The following NRG1 variants were observed in gnomAD, a reference collection of about 807,000 sequenced individuals.
NRG1 encodes neuregulin 1.
NRG1 carries 18 observed loss-of-function variants against 63.8 expected under a neutral mutation model. The observed-to-expected ratio is 0.28, with a 90% CI of 0.19 to 0.42. NRG1 has a LOEUF of 0.42. NRG1 is among the 10% of genes least tolerant of loss of function. The probability of loss-of-function intolerance (pLI) is 1.00; values close to 1 mark genes in which losing one functional copy is unlikely to be tolerated. For synonymous variants in NRG1, 302 were observed against 301.3 expected (o/e 1.00, Z -0.02); for missense variants, 762 against 814.7 (o/e 0.94, Z 0.79).
intron 1 of NRG1, among the ~76,000 whole-genome samples, chr8:31,744,429 C>A (rs1330605421): frequency 1.3e-5 from 2 of 152,010 alleles, no homozygotes; most frequent in Non-Finnish European, 2.9e-5. Context: ...CACCTCTTGG[C>A]TCCCTCTGGT....
intron 1 of NRG1, among the ~76,000 whole-genome samples, chr8:32,060,549 T>C (rs1451707880): frequency 6.6e-6 from 1 of 151,836 alleles, no homozygotes; most frequent in Non-Finnish European, 1.5e-5. Flanking sequence ...TGGTTTTTGG[T>C]TTGGGGGGTT....
chr8:32,187,334 G>T (rs747441330), intron 1 of NRG1, among the ~76,000 whole-genome samples: 22 of 152,124 alleles, frequency 1.4e-4, no homozygotes, highest in Non-Finnish European at 2.6e-4. Flanking sequence ...AGCATGCATG[G>T]TGTGTTAAAT....
chr8:32,168,416 T>C (rs535961862), intron 1 of NRG1, among the ~76,000 whole-genome samples: 16 of 152,336 alleles, frequency 1.1e-4, no homozygotes, highest in African/African-American at 3.4e-4. Context: ...GCAAGTTGCA[T>C]TGGGCTAGAA....
At position 31,640,729 on chromosome 8, in the gene NRG1, G is replaced by T; in HGVS notation, c.37+1298G>T. The T allele has an allele frequency of 1.9e-6, 3 of 1,575,326 alleles. No homozygotes were observed. The highest frequency in any genetic ancestry group is 2.6e-6 in the Non-Finnish European group (3 of 1,160,436). On this transcript the variant is annotated intron_variant, in intron 1 of 10. Coordinates refer to the NRG1 transcript ENST00000519301. This position sits in a 1 kb window ranked among gnomAD's most constrained non-coding sequence, Gnocchi z 6.3. Reference sequence around the variant, plus strand: ...CAGCCGGGTGCTGTGCAAGCGGTGCGGTAAGTTCCTCGCCCTTGGGGGCGC... The same window carrying T: ...CAGCCGGGTGCTGTGCAAGCGGTGCTGTAAGTTCCTCGCCCTTGGGGGCGC...
intron 1 of NRG1, among the ~76,000 whole-genome samples, chr8:31,986,353 C>T (rs562349323): frequency 1.3e-5 from 2 of 152,100 alleles, no homozygotes; most frequent in African/African-American, 2.4e-5. Flanking sequence ...CACCACACTC[C>T]CCATGAAGCA....
intron 1 of NRG1, among the ~76,000 whole-genome samples, chr8:31,684,385 T>C (rs1808648784): frequency 6.6e-6 from 1 of 152,210 alleles, no homozygotes; most frequent in Non-Finnish European, 1.5e-5. Context: ...TCTTCTGCCA[T>C]GTGAAAACAT....
chr8:31,789,490 C>A (rs1820485600), intron 1 of NRG1, among the ~76,000 whole-genome samples: 1 of 152,030 alleles, frequency 6.6e-6, no homozygotes, highest in Non-Finnish European at 1.5e-5. Flanking sequence ...ATATAACTGC[C>A]CAGGAGAGCT....
intron 1 of NRG1, among the ~76,000 whole-genome samples, chr8:31,757,857 A>T (rs1215238891): frequency 6.6e-6 from 1 of 152,138 alleles, no homozygotes; most frequent in Non-Finnish European, 1.5e-5. Flanking sequence ...ATTAAGATAC[A>T]GATGAATTCT....
At chr8:32,092,877 C>A (rs1829384424) in intron 1 of NRG1, among the ~76,000 whole-genome samples, 1 of 152,150 alleles carries the variant, frequency 6.6e-6, no homozygotes, top group Admixed American at 6.5e-5. Flanking sequence ...GAAGTGACAG[C>A]TGGACAGTTG....
At chr8:32,708,164 GT>G (rs1368966900) in intron 5 of NRG1, among the ~76,000 whole-genome samples, 1 of 151,990 alleles carries the variant, frequency 6.6e-6, no homozygotes, top group Non-Finnish European at 1.5e-5. Flanking sequence ...TTTTGATGAT[GT>G]TCTCAAATGT....
At chr8:32,189,320 G>A in intron 1 of NRG1, among the ~76,000 whole-genome samples, 1 of 152,080 alleles carries the variant, frequency 6.6e-6, no homozygotes, top group East Asian at 1.9e-4. Context: ...ACTTATAAGT[G>A]AGAACGTGTA....
intron 1 of NRG1, among the ~76,000 whole-genome samples, chr8:31,933,350 G>A (rs1485502958): frequency 6.6e-6 from 1 of 151,232 alleles, no homozygotes; most frequent in South Asian, 2.1e-4. Flanking sequence ...GCACCATCTC[G>A]GCTCACTGCA....
rs570756399 is a variant in NRG1 at position 32,390,828 on chromosome 8, C to T, written c.38-205000C>T. On this transcript the variant is annotated intron_variant, in intron 1 of 10. Transcript: ENST00000519301. ...CCATTCGTAGTACCAGCGTTCAGCA[C>T]AGTAGCTGGACCTGACTAAGCACCA... Among the ~76,000 whole-genome samples the T allele has an allele frequency of 5.3e-5, 8 of 152,018 alleles. No homozygotes were observed. In the East Asian group the frequency reaches 1.2e-3, roughly 22 times the overall value.
intron 1 of NRG1, among the ~76,000 whole-genome samples, chr8:32,174,786 A>C (rs1206024925): frequency 6.6e-6 from 1 of 152,212 alleles, no homozygotes; most frequent in African/African-American, 2.4e-5. Flanking sequence ...AACCAGGAAG[A>C]AGTTGAATCT....
chr8:32,305,626 G>GT (rs1856106063), intron 1 of NRG1, among the ~76,000 whole-genome samples: 1 of 152,144 alleles, frequency 6.6e-6, no homozygotes, highest in Non-Finnish European at 1.5e-5. Context: ...ACCAGCCTTG[G>GT]TTTGCCCCAG....
intron 1 of NRG1, among the ~76,000 whole-genome samples, chr8:32,249,284 A>G (rs189201908): frequency 2.3e-4 from 35 of 152,244 alleles, no homozygotes; most frequent in South Asian, 6.2e-4. Context: ...GAAATATTAC[A>G]TACTCTAACA....
At chr8:32,040,837 G>C (rs1483265039) in intron 1 of NRG1, among the ~76,000 whole-genome samples, 1 of 137,186 alleles carries the variant, frequency 7.3e-6, no homozygotes, top group Non-Finnish European at 1.5e-5. Flanking sequence ...TTCAGAGATG[G>C]ATTATTTTAG....
intron 1 of NRG1, among the ~76,000 whole-genome samples, chr8:32,321,199 T>C (rs1463284333): frequency 1.3e-5 from 2 of 152,104 alleles, no homozygotes; most frequent in Non-Finnish European, 2.9e-5. Context: ...TTCCATCCAC[T>C]AGTCAATTTC....
intron 1 of NRG1, among the ~76,000 whole-genome samples, chr8:32,496,023 GAA>G (rs752703560): frequency 9.1e-4 from 138 of 152,236 alleles, no homozygotes; most frequent in African/African-American, 1.5e-3. Flanking sequence ...ATAATAATTT[GAA>G]AAGATTCCTC....
Sources: gnomAD v4.1 joint callset for allele counts (sites outside exome capture counted in the v4.1 genomes callset) on GRCh38, gnomAD v4.1.1 for gene constraint, Gnocchi (gnomAD v3.1) non-coding constraint, MANE v1.5 for transcripts, NCBI Gene and HGNC (gene_info 2026-07-23, HGNC 2026-07-21) for gene names.